The following TTC27 variants were observed in gnomAD, a reference collection of about 807,000 sequenced individuals.
TTC27 encodes tetratricopeptide repeat protein 27.
TTC27 carries 79 observed loss-of-function variants against 115.9 expected under a neutral mutation model. The observed-to-expected ratio is 0.68, with a 90% CI of 0.57 to 0.82. TTC27 has a LOEUF of 0.82. Ranked by LOEUF, TTC27 falls within the 40% of genes least tolerant of loss-of-function variation. The pLI is 0.00. For synonymous variants in TTC27, 401 were observed against 356.0 expected, an observed-to-expected ratio of 1.13 and a Z score of -1.42; for missense variants, 1,054 against 993.1, an observed-to-expected ratio of 1.06 and a Z score of -0.82.
rs193043859 is a variant in TTC27, at chr2:32,634,507, T to C, written c.396+502T>C. Among the ~76,000 whole-genome samples the C allele has an allele frequency of 2.0e-5, 3 of 151,530 alleles. No homozygotes were observed. The East Asian group carries it at 5.8e-4, about 30-fold the overall frequency. On this transcript the variant is annotated intron_variant, in intron 3 of 19. Coordinates refer to ENST00000317907, the MANE Select transcript of TTC27 (RefSeq NM_017735.5). Reference sequence around the variant, plus strand: ...TTTTGCCATGTTGCCCAGGCTGGTCTGAAACTCCTGGGCTCAAGTGGTCTG... The same window carrying C: ...TTTTGCCATGTTGCCCAGGCTGGTCCGAAACTCCTGGGCTCAAGTGGTCTG...
At chr2:32,748,446 T>A (rs1425522152) in intron 12 of TTC27, among the ~76,000 whole-genome samples, 1 of 152,182 alleles carries the variant, frequency 6.6e-6, no homozygotes, top group Non-Finnish European at 1.5e-5. Flanking sequence ...TTAGGTCTAG[T>A]TGGTTTATAG....
intron 13 of TTC27, among the ~76,000 whole-genome samples, chr2:32,761,725 A>C (rs113113773): frequency 2.0e-5 from 3 of 152,214 alleles, no homozygotes; most frequent in African/African-American, 7.2e-5. Context: ...ATTTAAAATC[A>C]TACCCCTACC....
intron 9 of TTC27, among the ~76,000 whole-genome samples, chr2:32,685,305 C>CAGGCAT (rs1237276053): frequency 6.6e-6 from 1 of 152,138 alleles, no homozygotes; most frequent in Non-Finnish European, 1.5e-5. Context: ...GCTGGGATTG[C>CAGGCAT]AGGCATGAGC....
chr2:32,688,461 GACA>G (rs1295932568), intron 9 of TTC27, among the ~76,000 whole-genome samples: 2 of 151,996 alleles, frequency 1.3e-5, no homozygotes, highest in African/African-American at 4.8e-5. Flanking sequence ...GCTTTTTGAA[GACA>G]ACATTAAGAA....
intron 4 of TTC27, among the ~76,000 whole-genome samples, chr2:32,642,805 C>G (rs1407897435): frequency 6.6e-6 from 1 of 151,610 alleles, no homozygotes; most frequent in East Asian, 1.9e-4. Context: ...GTAACTTGTA[C>G]TACAGGCATG....
chr2:32,812,679 G>T, intron 18 of TTC27, 64 bp downstream of exon 18: 2 of 1,237,762 alleles, frequency 1.6e-6, no homozygotes, highest in Non-Finnish European at 1.2e-6. Context: ...ACAGAAAAGA[G>T]TGTTGGTCAA....
chr2:32,718,333 T>A (rs1667818129), intron 10 of TTC27, among the ~76,000 whole-genome samples: 1 of 152,210 alleles, frequency 6.6e-6, no homozygotes, highest in Non-Finnish European at 1.5e-5. Flanking sequence ...TCTTTTCTCC[T>A]GTATTACTAA....
intron 13 of TTC27, among the ~76,000 whole-genome samples, chr2:32,762,307 G>A (rs1417374562): frequency 2.0e-5 from 3 of 150,596 alleles, no homozygotes; most frequent in African/African-American, 7.4e-5. Context: ...GTGTGTGTGT[G>A]TGTGTGTGTG....
At chr2:32,762,475 A>G (rs894387346) in intron 13 of TTC27, among the ~76,000 whole-genome samples, 5 of 152,190 alleles carry the variant, frequency 3.3e-5, no homozygotes, top group African/African-American at 1.2e-4. Context: ...ACAGATAGCC[A>G]TTAAAGGGTT....
At chr2:32,729,737 C>T (rs1239077136) in intron 10 of TTC27, among the ~76,000 whole-genome samples, 1 of 152,058 alleles carries the variant, frequency 6.6e-6, no homozygotes, top group Non-Finnish European at 1.5e-5. Flanking sequence ...ATTCACATCT[C>T]TTCAGTCATC....
chr2:32,693,322 C>T (rs1421707844), intron 9 of TTC27, among the ~76,000 whole-genome samples: 2 of 152,118 alleles, frequency 1.3e-5, no homozygotes, highest in Non-Finnish European at 2.9e-5. Context: ...AATTGGGGTC[C>T]CTGGACCAGC....
intron 9 of TTC27, among the ~76,000 whole-genome samples, chr2:32,692,103 A>G (rs570864317): frequency 2.7e-5 from 3 of 112,288 alleles, no homozygotes; most frequent in Admixed American, 1.3e-4. Context: ...CTGGTCTTGA[A>G]CTCCTGGGCT....
At chr2:32,673,131 G>T (rs1666069498) in intron 8 of TTC27, among the ~76,000 whole-genome samples, 1 of 150,042 alleles carries the variant, frequency 6.7e-6, no homozygotes, top group Non-Finnish European at 1.5e-5. Context: ...GCATGATCTT[G>T]ACACTTGAAA....
intron 10 of TTC27, chr2:32,704,896 A>G (rs1418305591): frequency 2.1e-6 from 1 of 471,036 alleles, no homozygotes; most frequent in Non-Finnish European, 4.4e-6. Context: ...GTCACTGGGG[A>G]TGTTATTTGA....
intron 10 of TTC27, among the ~76,000 whole-genome samples, chr2:32,722,216 C>T (rs1179637590): frequency 6.6e-6 from 1 of 152,106 alleles, no homozygotes; most frequent in Non-Finnish European, 1.5e-5. Flanking sequence ...CTGGGTCATG[C>T]CATCAAGATT....
At chr2:32,737,086 A>G (rs1668475153) in intron 12 of TTC27, among the ~76,000 whole-genome samples, 1 of 152,178 alleles carries the variant, frequency 6.6e-6, no homozygotes, top group South Asian at 2.1e-4. Flanking sequence ...CTTCAAAGCG[A>G]AATATTTGGA....
chr2:32,782,744 T>A, intron 15 of TTC27, 66 bp downstream of exon 15: 1 of 1,291,294 alleles, frequency 7.7e-7, no homozygotes, highest in Non-Finnish European at 1.1e-6. Context: ...TTTCTACAAC[T>A]GAACATTGTT....
chr2:32,745,702 G>A (rs894910716), intron 12 of TTC27, among the ~76,000 whole-genome samples: 7 of 151,744 alleles, frequency 4.6e-5, no homozygotes, highest in African/African-American at 1.7e-4. Flanking sequence ...AATATTTTAA[G>A]GATACTTCAT....
At chr2:32,664,945 G>C (rs1170527054) in intron 6 of TTC27, among the ~76,000 whole-genome samples, 1 of 151,384 alleles carries the variant, frequency 6.6e-6, no homozygotes, top group East Asian at 1.9e-4. Flanking sequence ...CAATTCTCCT[G>C]CCTGAGCCTC....
Sources: allele counts gnomAD v4.1 joint callset (sites outside exome capture counted in the v4.1 genomes callset), GRCh38; gene constraint gnomAD v4.1.1; transcripts MANE v1.5; gene names NCBI Gene and HGNC (gene_info 2026-07-23, HGNC 2026-07-21).